Variants in RAI14 observed in about 807,000 individuals in gnomAD.
RAI14 encodes the protein ankycorbin.
Under a neutral mutation model 115.4 loss-of-function variants are expected in RAI14, and 45 were observed. The observed-to-expected ratio is 0.39, with a 90% CI of 0.31 to 0.50. The LOEUF is 0.50. Ranked by LOEUF, RAI14 falls within the 20% of genes least tolerant of loss-of-function variation. The pLI is 0.85. For missense variants in RAI14, 939 were observed against 1,131.2 expected (o/e 0.83, Z 2.44); for synonymous variants, 371 against 415.4 (o/e 0.89, Z 1.30).
At chr5:34,710,143 C>T (rs1049399224) in intron 2 of RAI14, among the ~76,000 whole-genome samples, 24 of 152,154 alleles carry the variant, frequency 1.6e-4, no homozygotes, top group Admixed American at 6.6e-4. Context: ...CACAGATGGG[C>T]GGCTTAGAAC....
chr5:34,821,833 T>C lies in RAI14; in HGVS notation c.1096T>C (p.Leu366=). The C allele has an allele frequency of 1.3e-6, 2 of 1,574,598 alleles. No individual in the cohort carries two copies. Among genetic ancestry groups the C allele is most frequent in the Non-Finnish European group, 1.7e-6 (2 of 1,145,186 alleles). ...VASLTLHNKE[L]QDKLQAKSPK... ...TTCCCTTACCTTACACAATAAGGAG[T>C]TACAAGATAAATTACAGGTATATAA... The change falls in exon 14 of 18, where the codon TTA becomes CTA. Residue 366 remains leucine, a synonymous_variant. Transcript: ENST00000265109.
chr5:34,689,804 G>A (rs754059523), intron 2 of RAI14, among the ~76,000 whole-genome samples: 6 of 152,104 alleles, frequency 3.9e-5, no homozygotes, highest in Non-Finnish European at 8.8e-5. Context: ...CCCAGAAGGC[G>A]GAGGTTGTGG....
intron 6 of RAI14, among the ~76,000 whole-genome samples, chr5:34,808,170 CT>C (rs768293683): frequency 6.6e-5 from 10 of 152,168 alleles, no homozygotes; most frequent in Non-Finnish European, 1.3e-4. Context: ...GTGATACAGA[CT>C]TTTTGATTTG....
chr5:34,696,329 G>A (rs532164281), intron 2 of RAI14, among the ~76,000 whole-genome samples: 1 of 151,866 alleles, frequency 6.6e-6, no homozygotes, highest in South Asian at 2.1e-4. Context: ...GTAGAGACAG[G>A]GTTTCACTGT....
chr5:34,764,494 A>G (rs142899448), intron 3 of RAI14, among the ~76,000 whole-genome samples: 8 of 152,042 alleles, frequency 5.3e-5, no homozygotes, highest in Non-Finnish European at 1.0e-4. Flanking sequence ...ATCGTGATAC[A>G]TTATAGGTAG....
chr5:34,774,513 C>T (rs1008272914), intron 3 of RAI14, among the ~76,000 whole-genome samples: 1 of 152,034 alleles, frequency 6.6e-6, no homozygotes, highest in South Asian at 2.1e-4. Flanking sequence ...TCTATTTACA[C>T]TAGCCACAAA....
Position 34,821,845 on chromosome 5 carries a change from T to G in RAI14, c.1108T>G (p.Leu370Val). The G allele has an allele frequency of 6.5e-7, 1 of 1,530,266 alleles. No homozygotes were observed. The highest frequency in any genetic ancestry group is 9.0e-7 in the Non-Finnish European group (1 of 1,105,086). The allele number at this position is 1,530,266 out of a possible 1,614,324, so 94.8% of individuals were successfully genotyped here. A position where few individuals can be genotyped will look rare whatever the true frequency, so the allele number is the denominator to read the frequency against. Residue 370 changes from leucine to valine, a missense_variant, in exon 14 of 18, where the codon TTA becomes GTA. By Grantham distance (32) the Leu-to-Val change is conservative (BLOSUM62 1). Transcript: ENST00000265109. ...TLHNKELQDK[L>V]QAKSPKEAEA... The stretch of plus-strand genomic sequence containing the variant: ...ACACAATAAGGAGTTACAAGATAAA[T>G]TACAGGTATATAAATAGATTGCTAT...
chr5:34,732,755 GTA>G (rs1383684033), intron 2 of RAI14, among the ~76,000 whole-genome samples: 2 of 146,248 alleles, frequency 1.4e-5, no homozygotes, highest in Non-Finnish European at 3.0e-5. Flanking sequence ...TCATATATAT[GTA>G]TACATATATA....
At chr5:34,768,077 T>C (rs79718537) in intron 3 of RAI14, among the ~76,000 whole-genome samples, 65,575 of 151,892 alleles carry the variant, frequency 0.43, 14,718 homozygotes, top group Middle Eastern at 0.52. Context: ...CACTCAACAC[T>C]AGCCCGTGAG....
At chr5:34,747,403 T>A (rs184415419) in intron 2 of RAI14, among the ~76,000 whole-genome samples, 5 of 152,342 alleles carry the variant, frequency 3.3e-5, no homozygotes, top group Admixed American at 1.3e-4. Flanking sequence ...CTAGCACGGA[T>A]AAACAATGAC....
intron 2 of RAI14, among the ~76,000 whole-genome samples, chr5:34,721,135 C>T (rs1742664326): frequency 6.6e-6 from 1 of 151,764 alleles, no homozygotes; most frequent in African/African-American, 2.4e-5. Flanking sequence ...CTCTTTCTTC[C>T]CATTGCCTTT....
intron 2 of RAI14, among the ~76,000 whole-genome samples, chr5:34,719,870 C>G (rs1484321591): frequency 1.3e-5 from 2 of 152,100 alleles, no homozygotes; most frequent in Non-Finnish European, 2.9e-5. Context: ...TGTGGTAACT[C>G]TTTAAAATAA....
At chr5:34,665,488 T>G (rs1218629915) in intron 1 of RAI14, among the ~76,000 whole-genome samples, 1 of 150,556 alleles carries the variant, frequency 6.6e-6, no homozygotes, top group Admixed American at 6.6e-5. Context: ...TTTCCATTTT[T>G]TTTTCTTTTT....
intron 2 of RAI14, among the ~76,000 whole-genome samples, chr5:34,713,948 G>A (rs1741707836): frequency 6.6e-6 from 1 of 152,120 alleles, no homozygotes; most frequent in Admixed American, 6.5e-5. Flanking sequence ...GGGATTACAG[G>A]CATGTGCCAC....
Position 34,704,352 on chromosome 5 carries a change from G to T in RAI14, c.36+17397G>T, listed in dbSNP as rs1486303421. 3.3e-5 allele frequency among the ~76,000 whole-genome samples: 5 copies of T among 152,328 alleles called. No individual in the cohort carries two copies. The South Asian group carries it at 1.0e-3, about 32-fold the overall frequency. ...TCCGTCCGGGTACTTTGTCCTGTTT[G>T]TCTTTCCTAAACTCCTCCAGATAGT... On this transcript the variant is annotated intron_variant, in intron 2 of 17. Coordinates refer to ENST00000265109, the MANE Select transcript of RAI14 (RefSeq NM_015577.3).
At chr5:34,705,861 G>A (rs1402945138) in intron 2 of RAI14, among the ~76,000 whole-genome samples, 1 of 152,124 alleles carries the variant, frequency 6.6e-6, no homozygotes, top group East Asian at 1.9e-4. Context: ...TGGTCAGGCT[G>A]GTCTCGAACT....
intron 2 of RAI14, among the ~76,000 whole-genome samples, chr5:34,718,967 T>C (rs1742319577): frequency 6.6e-6 from 1 of 152,230 alleles, no homozygotes; most frequent in Non-Finnish European, 1.5e-5. Flanking sequence ...TCTTTCTGCC[T>C]CTGAGCATTC....
chr5:34,757,142 A>G (rs1747993417), intron 2 of RAI14, among the ~76,000 whole-genome samples: 1 of 152,236 alleles, frequency 6.6e-6, no homozygotes, highest in South Asian at 2.1e-4. Flanking sequence ...TGTCTAGTTC[A>G]GCGAGAAATT....
At chr5:34,681,493 ATAT>A (rs1422351134) in intron 1 of RAI14, among the ~76,000 whole-genome samples, 3 of 151,912 alleles carry the variant, frequency 2.0e-5, no homozygotes, top group African/African-American at 7.3e-5. Flanking sequence ...CCGTGATGGA[ATAT>A]TATTATTATT....
Sources: allele counts gnomAD v4.1 joint callset (sites outside exome capture counted in the v4.1 genomes callset), GRCh38; gene constraint gnomAD v4.1.1; transcripts MANE v1.5; gene names NCBI Gene and HGNC (gene_info 2026-07-23, HGNC 2026-07-21).